COL4A5: variants seen among roughly 807,000 people sequenced by gnomAD.
COL4A5 encodes collagen alpha-5(IV) chain.
COL4A5 carries 26 observed loss-of-function variants against 130.2 expected under a neutral mutation model. That is an observed-to-expected ratio of 0.20 (90% CI 0.15 to 0.28). COL4A5 has a LOEUF of 0.28. Among genes scored for constraint, COL4A5 ranks in the 10% least tolerant of loss-of-function variants. COL4A5 has a pLI of 1.00. For synonymous variants in COL4A5, 496 were observed against 439.6 expected (o/e 1.13, Z -1.60); for missense variants, 1,131 against 1,344.3 (o/e 0.84, Z 2.48).
intron 1 of COL4A5, among the ~76,000 whole-genome samples, chrX:108,497,289 T>C (rs1428613433): frequency 8.9e-6 from 1 of 112,251 alleles, no homozygotes; most frequent in African/African-American, 3.2e-5. Context: ...ATTCAAGTTG[T>C]TTCCTCATTT....
At chrX:108,584,285 T>C (rs777693022) in intron 17 of COL4A5, among the ~76,000 whole-genome samples, 199 bp from the exon 18 acceptor site, 41 of 110,841 alleles carry the variant, frequency 3.7e-4, no homozygotes, top group Non-Finnish European at 7.4e-4. Context: ...TTGGTGAAGA[T>C]TACATAGCTA....
intron 1 of COL4A5, among the ~76,000 whole-genome samples, chrX:108,532,310 C>T (rs2065395896): frequency 8.9e-6 from 1 of 111,736 alleles, no homozygotes; most frequent in African/African-American, 3.2e-5. Context: ...ATTACATCAA[C>T]AGATTGAAGG....
chrX:108,596,921 T>A, intron 22 of COL4A5, 77 bp from the exon 23 acceptor site: 1 of 1,013,270 alleles, frequency 9.9e-7, no homozygotes. Flanking sequence ...GATTTCTGTA[T>A]GAGCTTTGTC....
chrX:108,682,540 C>A (rs953688217), intron 47 of COL4A5, among the ~76,000 whole-genome samples: 3 of 112,050 alleles, frequency 2.7e-5, no homozygotes, highest in African/African-American at 3.2e-5. Flanking sequence ...TTCTCCACAT[C>A]CTCTCCAGCA....
At chrX:108,449,940 A>T (rs1276902804) in intron 1 of COL4A5, among the ~76,000 whole-genome samples, 2 of 112,085 alleles carry the variant, frequency 1.8e-5, no homozygotes, top group Non-Finnish European at 3.8e-5. Context: ...AAGAATGTTT[A>T]CTTTTCTCAC....
rs61506795 is a variant in COL4A5, at chrX:108,601,528, CT to C, written c.2041+61del. The C allele has an allele frequency of 0.21, 101,699 of 474,028 alleles. 37 individuals carry two copies. Among genetic ancestry groups the C allele is most frequent in the Non-Finnish European group, 0.23 (70,325 of 307,127 alleles). The allele number at this position is 474,028 out of a possible 1,213,427, so 39.1% of individuals were successfully genotyped here. On this transcript the variant is annotated intron_variant, in intron 26 of 52. Transcript: ENST00000328300. The stretch of plus-strand genomic sequence containing the variant: ...TTCAAAGTAACTTCAACACCGATGG[CT>C]TTTTTTTTTTTTTTTTTGACAGAGT...
At chrX:108,452,412 G>A (rs990246060) in intron 1 of COL4A5, among the ~76,000 whole-genome samples, 1 of 111,775 alleles carries the variant, frequency 8.9e-6, no homozygotes, top group African/African-American at 3.3e-5. Flanking sequence ...AAATTGCCTT[G>A]GGCAGTATGG....
At chrX:108,465,516 C>G (rs1263821379) in intron 1 of COL4A5, among the ~76,000 whole-genome samples, 1 of 111,953 alleles carries the variant, frequency 8.9e-6, no homozygotes, top group African/African-American at 3.2e-5. Context: ...ATATTATACA[C>G]ACACCTAGTA....
chrX:108,444,351 C>T, intron 1 of COL4A5, among the ~76,000 whole-genome samples: 1 of 110,303 alleles, frequency 9.1e-6, no homozygotes, highest in Non-Finnish European at 1.9e-5. Flanking sequence ...TCCCAAGTAG[C>T]TGGGACTACA....
At chrX:108,444,922 A>G (rs2064437497) in intron 1 of COL4A5, among the ~76,000 whole-genome samples, 1 of 111,747 alleles carries the variant, frequency 8.9e-6, no homozygotes, top group Non-Finnish European at 1.9e-5. Context: ...GAAGTCAGAC[A>G]TGGAATCTGA....
intron 1 of COL4A5, among the ~76,000 whole-genome samples, chrX:108,468,385 C>T (rs942381267): frequency 1.8e-5 from 2 of 112,166 alleles, no homozygotes; most frequent in Admixed American, 1.9e-4. Context: ...GCTAAAACTT[C>T]CAGTACTATG....
At chrX:108,484,887 C>T (rs750879388) in intron 1 of COL4A5, among the ~76,000 whole-genome samples, 5 of 112,439 alleles carry the variant, frequency 4.4e-5, no homozygotes, top group African/African-American at 6.5e-5. Context: ...TTCAGGGCAG[C>T]GGGTTCCCCC....
intron 3 of COL4A5, among the ~76,000 whole-genome samples, chrX:108,562,095 C>G (rs1314858826): frequency 9.0e-6 from 1 of 111,705 alleles, no homozygotes; most frequent in Non-Finnish European, 1.9e-5. Flanking sequence ...TGGAATTGAG[C>G]AGTAACTTGG....
chrX:108,686,241 G>A (rs1174658055), intron 48 of COL4A5, 112 bp downstream of exon 48: 6 of 585,132 alleles, frequency 1.0e-5, no homozygotes, highest in Non-Finnish European at 1.7e-5. Flanking sequence ...TGTTAGCATA[G>A]CTGACTGGTG....
intron 36 of COL4A5, among the ~76,000 whole-genome samples, chrX:108,631,419 T>G (rs775451064): frequency 2.7e-5 from 3 of 111,254 alleles, no homozygotes; most frequent in Non-Finnish European, 5.7e-5. Context: ...TTGAAGCAAT[T>G]GTGAATGGGA....
rs752712129 is a variant in COL4A5 at position 108,512,826 on chromosome X, G to A, written c.82-26920G>A. Among the ~76,000 whole-genome samples the A allele has an allele frequency of 1.1e-4, 12 of 111,593 alleles. 1 individual carries two copies. The South Asian group carries it at 4.5e-3, about 42-fold the overall frequency. The stretch of plus-strand genomic sequence containing the variant: ...ATTGTCATTGATAACATCTTATCAG[G>A]AGACAGGGTTTGAGAGCAACCGGTC... On this transcript the variant is annotated intron_variant, in intron 1 of 52. Coordinates refer to ENST00000328300, the MANE Select transcript of COL4A5 (RefSeq NM_033380.3).
At chrX:108,514,263 A>T (rs958087326) in intron 1 of COL4A5, among the ~76,000 whole-genome samples, 6 of 112,513 alleles carry the variant, frequency 5.3e-5, no homozygotes, top group Admixed American at 1.9e-4. Context: ...ATGAATAATG[A>T]TTCACTTGGA....
At chrX:108,531,862 A>G (rs1304166345) in intron 1 of COL4A5, among the ~76,000 whole-genome samples, 1 of 112,087 alleles carries the variant, frequency 8.9e-6, no homozygotes. Context: ...TCCTGGAAAC[A>G]TACTACTTAC....
intron 6 of COL4A5, among the ~76,000 whole-genome samples, chrX:108,570,876 C>G (rs2066053679): frequency 8.9e-6 from 1 of 112,022 alleles, no homozygotes. Flanking sequence ...CATATTAGTA[C>G]TTTACAGTAG....
Sources: allele counts gnomAD v4.1 joint callset (sites outside exome capture counted in the v4.1 genomes callset), GRCh38; gene constraint gnomAD v4.1.1; transcripts MANE v1.5; gene names NCBI Gene and HGNC (gene_info 2026-07-23, HGNC 2026-07-21).